Variants in RSPH14 observed in about 807,000 individuals in gnomAD.
RSPH14 encodes the protein radial spoke head 14 homolog.
In RSPH14, 20 loss-of-function variants were observed where a neutral mutation model predicts 26.7. The observed-to-expected ratio is 0.75, with a 90% CI of 0.53 to 1.09. RSPH14 has a LOEUF of 1.09. RSPH14 is among the 50% of genes least tolerant of loss of function. The probability of loss-of-function intolerance (pLI) is 0.00; values close to 1 mark genes in which losing one functional copy is unlikely to be tolerated. For synonymous variants in RSPH14, 177 were observed against 189.3 expected, an observed-to-expected ratio of 0.93 and a Z score of 0.53; for missense variants, 449 against 457.2, an observed-to-expected ratio of 0.98 and a Z score of 0.16.
chr22:23,068,809 G>A (rs2068270439), intron 4 of RSPH14, among the ~76,000 whole-genome samples: 1 of 152,202 alleles, frequency 6.6e-6, no homozygotes, highest in African/African-American at 2.4e-5. Context: ...AGGAAACAGA[G>A]GCTCAGCCAG....
At chr22:23,167,729 A>G in the RSPH14 span, among the ~76,000 whole-genome samples, 1 of 151,804 alleles carries the variant, frequency 6.6e-6, no homozygotes, top group African/African-American at 2.4e-5. Flanking sequence ...TTTTAAGGCA[A>G]CACAGCCAGG....
chr22:23,084,447 C>T (rs1002610212), intron 4 of RSPH14, among the ~76,000 whole-genome samples: 13 of 152,098 alleles, frequency 8.5e-5, no homozygotes, highest in African/African-American at 3.1e-4. Context: ...GGGAAGTCAA[C>T]ACATTTTCAA....
intron 4 of RSPH14, among the ~76,000 whole-genome samples, chr22:23,114,244 C>T (rs1419067443): frequency 2.0e-5 from 3 of 152,206 alleles, no homozygotes; most frequent in Non-Finnish European, 2.9e-5. Context: ...GCTCTGCTCT[C>T]GGCGTGAAAA....
the RSPH14 span, chr22:23,155,943 CCTTT>C: frequency 1.3e-6 from 2 of 1,596,288 alleles, no homozygotes; most frequent in Non-Finnish European, 1.7e-6. Flanking sequence ...ACACCATTTC[CCTTT>C]CTTTCTCACC....
chr22:23,064,016 T>G lies in RSPH14; in HGVS notation c.539A>C (p.Gln180Pro), dbSNP rs1040714485. The change falls in exon 5 of 7, where the codon CAG becomes CCG. Residue 180 changes from glutamine to proline, a missense_variant. Coordinates refer to ENST00000216036, the MANE Select transcript of RSPH14 (RefSeq NM_014433.3). The part of the protein sequence containing the change: ...FILDTLVLCL[Q>P]EDATEALGSN... ...GCCCAGGGCCTCGGTGGCATCCTCC[T>G]GCAGGCAGAGGACCAGTGTGTCCAG... is the stretch of plus-strand genomic sequence containing the variant. 1 of 1,614,090 alleles carries G rather than the reference T, an allele frequency of 6.2e-7. No homozygotes were observed. The highest frequency in any genetic ancestry group is 1.3e-5 in the African/African-American group (1 of 74,938).
the RSPH14 span, chr22:23,150,243 C>A: frequency 9.5e-7 from 1 of 1,051,752 alleles, no homozygotes; most frequent in Non-Finnish European, 1.4e-6. Context: ...ATGAAACACA[C>A]ACACGAGGCT....
At chr22:23,159,784 C>G in the RSPH14 span, among the ~76,000 whole-genome samples, 12 of 152,204 alleles carry the variant, frequency 7.9e-5, no homozygotes, top group African/African-American at 2.9e-4. Context: ...GGCTCAAAGA[C>G]CCCAGCTCTC....
At chr22:23,145,870 G>C (rs1177859727), upstream of RSPH14, 1 of 603,328 alleles carries the variant, frequency 1.7e-6, no homozygotes, top group Non-Finnish European at 2.1e-6. Context: ...GGAGTCAGAG[G>C]CCTGGTGAAG....
intron 4 of RSPH14, among the ~76,000 whole-genome samples, chr22:23,069,461 A>G (rs2068286249): frequency 6.6e-6 from 1 of 152,234 alleles, no homozygotes; most frequent in Non-Finnish European, 1.5e-5. Context: ...CCTGAGGTCC[A>G]CAGATAGGCT....
chr22:23,170,327 C>T, the RSPH14 span, among the ~76,000 whole-genome samples: 1 of 152,184 alleles, frequency 6.6e-6, no homozygotes, highest in African/African-American at 2.4e-5. Context: ...CTGGAAGTTC[C>T]AGATCAGGGT....
the RSPH14 span, among the ~76,000 whole-genome samples, chr22:23,173,622 G>GTTTTTTTTTTTTTTTTTTT: frequency 8.9e-6 from 1 of 112,288 alleles, no homozygotes; most frequent in African/African-American, 3.5e-5. Context: ...TTTATTTTTG[G>GTTTTTTTTTTTTTTTTTTT]TTTTTTGTTT....
chr22:23,099,812 G>A (rs2069242194), intron 4 of RSPH14, among the ~76,000 whole-genome samples: 2 of 152,248 alleles, frequency 1.3e-5, no homozygotes, highest in Admixed American at 1.3e-4. Context: ...CCCACACTGA[G>A]GGACAGACAC....
intron 4 of RSPH14, among the ~76,000 whole-genome samples, chr22:23,093,900 C>A (rs1265921777): frequency 6.6e-6 from 1 of 152,144 alleles, no homozygotes. Context: ...GAGAGGACAG[C>A]CCACCAGGGG....
the RSPH14 span, chr22:23,152,595 GC>G: frequency 6.9e-7 from 1 of 1,457,192 alleles, no homozygotes; most frequent in Non-Finnish European, 9.6e-7. Context: ...TGCCTGGGTG[GC>G]CCAGATAATA....
At chr22:23,124,994 AG>A (rs1001579177) in intron 4 of RSPH14, 17 of 152,410 alleles carry the variant, frequency 1.1e-4, no homozygotes, top group African/African-American at 4.1e-4. Flanking sequence ...TGAAAGTCAA[AG>A]GTTGTCTACT....
intron 4 of RSPH14, among the ~76,000 whole-genome samples, chr22:23,094,793 G>A (rs751640838): frequency 6.6e-6 from 1 of 152,220 alleles, no homozygotes; most frequent in Non-Finnish European, 1.5e-5. Flanking sequence ...AGCTCCTGCG[G>A]GGGTAATGAG....
At chr22:23,106,642 T>C (rs952664512) in intron 4 of RSPH14, among the ~76,000 whole-genome samples, 4 of 152,144 alleles carry the variant, frequency 2.6e-5, no homozygotes, top group African/African-American at 9.7e-5. Flanking sequence ...TAGGATAACA[T>C]GTGTGTGCTG....
At chr22:23,150,034 G>A in the RSPH14 span, 3 of 1,548,730 alleles carry the variant, frequency 1.9e-6, no homozygotes, top group Admixed American at 5.5e-5. Context: ...TTTGCAGGAT[G>A]ATGTGTCCGT....
At chr22:23,125,995 CCTA>C (rs1441570809) in intron 4 of RSPH14, among the ~76,000 whole-genome samples, 4 of 152,264 alleles carry the variant, frequency 2.6e-5, no homozygotes, top group Admixed American at 2.6e-4. Context: ...CATCCCTACT[CCTA>C]AGCCCACGCA....
Sources: allele counts gnomAD v4.1 joint callset (sites outside exome capture counted in the v4.1 genomes callset), GRCh38; gene constraint gnomAD v4.1.1; transcripts MANE v1.5; gene names NCBI Gene and HGNC (gene_info 2026-07-23, HGNC 2026-07-21).